The following N4BP2L2 variants were observed in gnomAD, a reference collection of about 807,000 sequenced individuals.
N4BP2L2 encodes NEDD4 binding protein 2 like 2, also known as NEDD4-binding protein 2-like 2.
N4BP2L2 carries 50 observed loss-of-function variants against 56.2 expected under a neutral mutation model. The observed-to-expected ratio is 0.89, with a 90% confidence interval of 0.71 to 1.13. The LOEUF (loss-of-function observed/expected upper bound fraction) is 1.13. N4BP2L2 is among the 50% of genes most tolerant of loss of function. The pLI is 0.00. For missense variants in N4BP2L2, 689 were observed against 693.8 expected, an observed-to-expected ratio of 0.99 and a Z score of 0.08; for synonymous variants, 203 against 223.6, an observed-to-expected ratio of 0.91 and a Z score of 0.82.
chr13:32,474,182 T>C (rs749701686), intron 6 of N4BP2L2, among the ~76,000 whole-genome samples: 1 of 152,178 alleles, frequency 6.6e-6, no homozygotes, highest in East Asian at 1.9e-4. Context: ...TGTAAACTTA[T>C]ATAGATATTC....
intron 6 of N4BP2L2, among the ~76,000 whole-genome samples, chr13:32,492,043 T>C (rs1443906108): frequency 6.6e-6 from 1 of 152,144 alleles, no homozygotes; most frequent in African/African-American, 2.4e-5. Flanking sequence ...TTTCATATAT[T>C]CCCCACAAAG....
chr13:32,491,030 C>T (rs574841601), intron 6 of N4BP2L2, among the ~76,000 whole-genome samples: 24 of 151,112 alleles, frequency 1.6e-4, no homozygotes, highest in African/African-American at 4.8e-4. Flanking sequence ...TTTTCAGGAG[C>T]CTTGAGACCT....
intron 3 of N4BP2L2, 58 bp from the exon 4 acceptor site, chr13:32,522,328 G>T: frequency 8.8e-7 from 1 of 1,136,436 alleles, no homozygotes; most frequent in Non-Finnish European, 1.2e-6. Flanking sequence ...ACACACAAAA[G>T]TTAAACATTT....
intron 4 of N4BP2L2, 30 bp from the exon 5 acceptor site, chr13:32,521,479 C>A: frequency 6.7e-7 from 1 of 1,493,426 alleles, no homozygotes; most frequent in Admixed American, 2.0e-5. Context: ...AAAACAAAAA[C>A]CCAGAGAAGT....
intron 6 of N4BP2L2, among the ~76,000 whole-genome samples, chr13:32,488,788 A>C (rs1302203624): frequency 6.6e-6 from 1 of 152,222 alleles, no homozygotes; most frequent in Non-Finnish European, 1.5e-5. Flanking sequence ...ATGCACTCCA[A>C]ATATTTTCTT....
At chr13:32,538,646 A>C (rs1594141649) in exon 1 of N4BP2L2, 1 of 985,336 alleles carries the variant, frequency 1.0e-6, no homozygotes, top group Non-Finnish European at 1.2e-6. Flanking sequence ...ATTGACCTTT[A>C]CCTCCCAATA....
exon 6 of N4BP2L2, chr13:32,516,228 T>C (rs1594012811): frequency 6.6e-6 from 1 of 152,256 alleles, no homozygotes; most frequent in East Asian, 1.9e-4. Context: ...AGTATTACTC[T>C]GAAATAAAAG....
At chr13:32,464,380 G>C (rs1261773134) in intron 6 of N4BP2L2, among the ~76,000 whole-genome samples, 1 of 152,184 alleles carries the variant, frequency 6.6e-6, no homozygotes, top group Admixed American at 6.5e-5. Flanking sequence ...AGGTGAGAGG[G>C]GGAAAATATG....
chr13:32,522,401 G>A, intron 3 of N4BP2L2, 131 bp from the exon 4 acceptor site: 1 of 494,744 alleles, frequency 2.0e-6, no homozygotes, highest in Non-Finnish European at 3.3e-6. Flanking sequence ...TCTTCAGTCA[G>A]TATCATGAAA....
chr13:32,492,519 A>G (rs541776950), intron 6 of N4BP2L2, among the ~76,000 whole-genome samples: 1 of 152,272 alleles, frequency 6.6e-6, no homozygotes, highest in African/African-American at 2.4e-5. Context: ...TAATATATTT[A>G]AGATGAAAAT....
intron 1 of N4BP2L2, 106 bp from the exon 2 acceptor site, chr13:32,537,133 T>A: frequency 2.5e-6 from 2 of 806,600 alleles, no homozygotes; most frequent in Non-Finnish European, 3.5e-6. Flanking sequence ...ATTTGTGATA[T>A]ATTTAATGGT....
chr13:32,476,617 C>T (rs1366750115), intron 6 of N4BP2L2, among the ~76,000 whole-genome samples: 1 of 152,010 alleles, frequency 6.6e-6, no homozygotes, highest in African/African-American at 2.4e-5. Flanking sequence ...TATCCAAGGG[C>T]TCAAAAATAC....
At chr13:32,519,539 C>T (rs943678966) in intron 5 of N4BP2L2, among the ~76,000 whole-genome samples, 3 of 152,010 alleles carry the variant, frequency 2.0e-5, no homozygotes, top group Non-Finnish European at 4.4e-5. Context: ...GCCTGTATGC[C>T]CAGCTACTCA....
exon 6 of N4BP2L2, chr13:32,513,038 A>T (rs1182851326): frequency 6.6e-6 from 1 of 152,224 alleles, no homozygotes; most frequent in Non-Finnish European, 1.5e-5. Context: ...TCTCAAAAAA[A>T]AAAAAAAGAA....
At chr13:32,522,240 G>A in exon 4 of N4BP2L2, 2 of 1,564,188 alleles carry the variant, frequency 1.3e-6, no homozygotes, top group Non-Finnish European at 1.7e-6. Context: ...TATTATAACT[G>A]GAGATCTTCC....
At chr13:32,453,413 A>T (rs2078438451) in intron 6 of N4BP2L2, among the ~76,000 whole-genome samples, 1 of 152,076 alleles carries the variant, frequency 6.6e-6, no homozygotes, top group Admixed American at 6.6e-5. Flanking sequence ...GTTTACAGCA[A>T]CCGGGCAAAA....
rs147902482 is a variant in N4BP2L2 at position 32,453,187 on chromosome 13, C to T, written c.366-9061G>A. Among the ~76,000 whole-genome samples the T allele has an allele frequency of 4.7e-3, 723 of 152,226 alleles. 1 individual carries two copies. Among genetic ancestry groups the T allele is most frequent in the East Asian group, 0.014 (73 of 5,172 alleles). On this transcript the variant is annotated intron_variant, in intron 6 of 9. Transcript: ENST00000357505. ...GGCAGAAGTGCTTGAGCCAAAGAGG[C>T]GGAGGTTGCAGTAAGCCCAGATCTC...
At chr13:32,447,090 C>A (rs143342256) in intron 6 of N4BP2L2, among the ~76,000 whole-genome samples, 6 of 152,316 alleles carry the variant, frequency 3.9e-5, no homozygotes, top group African/African-American at 1.2e-4. Context: ...CATTTTCAAA[C>A]CCTCACATGT....
At chr13:32,500,989 C>A (rs1387551609) in intron 6 of N4BP2L2, among the ~76,000 whole-genome samples, 1 of 151,944 alleles carries the variant, frequency 6.6e-6, no homozygotes, top group Non-Finnish European at 1.5e-5. Flanking sequence ...CTGCCTCAGC[C>A]TCCCCAGTAG....
Sources: gnomAD v4.1 joint callset for allele counts (sites outside exome capture counted in the v4.1 genomes callset) on GRCh38, gnomAD v4.1.1 for gene constraint, MANE v1.5 for transcripts, NCBI Gene and HGNC (gene_info 2026-07-23, HGNC 2026-07-21) for gene names.